RSRC1: variants seen among roughly 807,000 people sequenced by gnomAD.
The protein encoded by RSRC1 is arginine and serine rich coiled-coil 1.
In RSRC1, 39 loss-of-function variants were observed where a neutral mutation model predicts 49.1. The observed-to-expected ratio is 0.79, with a 90% CI of 0.61 to 1.04. RSRC1 has a LOEUF of 1.04. RSRC1 is among the 50% of genes least tolerant of loss of function. RSRC1 has a pLI of 0.00. For missense variants in RSRC1, 388 were observed against 402.4 expected (o/e 0.96, Z 0.31); for synonymous variants, 143 against 130.8 (o/e 1.09, Z -0.63).
At chr3:158,154,152 C>T (rs1717711240) in intron 3 of RSRC1, among the ~76,000 whole-genome samples, 1 of 149,668 alleles carries the variant, frequency 6.7e-6, no homozygotes, top group Admixed American at 6.7e-5. Context: ...TACTCTATAC[C>T]ATAGTCTGTT....
chr3:158,157,991 A>T (rs764860218), intron 3 of RSRC1, among the ~76,000 whole-genome samples: 15 of 152,022 alleles, frequency 9.9e-5, no homozygotes, highest in Non-Finnish European at 1.9e-4. Context: ...AACTGTTACT[A>T]TTTACACAAA....
chr3:158,151,075 C>A (rs1398160593), intron 3 of RSRC1, among the ~76,000 whole-genome samples: 1 of 152,090 alleles, frequency 6.6e-6, no homozygotes, highest in East Asian at 1.9e-4. Flanking sequence ...GAAAAAATAT[C>A]TTTTTCTCAC....
At chr3:158,503,445 A>T (rs1211024306) in intron 7 of RSRC1, among the ~76,000 whole-genome samples, 1 of 151,758 alleles carries the variant, frequency 6.6e-6, no homozygotes, top group Non-Finnish European at 1.5e-5. Flanking sequence ...GGGCCCTAGA[A>T]CTCCCAAGAT....
chr3:158,168,845 C>T (rs1718690553), intron 3 of RSRC1, among the ~76,000 whole-genome samples: 2 of 152,028 alleles, frequency 1.3e-5, no homozygotes, highest in South Asian at 4.1e-4. Flanking sequence ...TCTTGTATAG[C>T]TAAGGTTGCT....
At chr3:158,144,955 A>G (rs1164649314) in intron 3 of RSRC1, among the ~76,000 whole-genome samples, 1 of 152,106 alleles carries the variant, frequency 6.6e-6, no homozygotes, top group African/African-American at 2.4e-5. Flanking sequence ...GTCTGTTCAT[A>G]TCCTTTGCCC....
intron 3 of RSRC1, among the ~76,000 whole-genome samples, chr3:158,190,462 A>G (rs1427284857): frequency 1.3e-5 from 2 of 151,546 alleles, no homozygotes; most frequent in East Asian, 1.9e-4. Context: ...TATGTCTCTT[A>G]TTATATGAGC....
At chr3:158,461,927 A>G (rs898227822) in intron 7 of RSRC1, among the ~76,000 whole-genome samples, 8 of 150,844 alleles carry the variant, frequency 5.3e-5, no homozygotes, top group Admixed American at 2.0e-4. Context: ...GGAAGCTGAG[A>G]TTCAGTAAAA....
intron 6 of RSRC1, among the ~76,000 whole-genome samples, chr3:158,391,514 T>C (rs78141349): frequency 0.05 from 7,621 of 152,264 alleles, 228 homozygotes; most frequent in East Asian, 0.1. Context: ...TGTAAAAACA[T>C]TAAAAGGTAG....
chr3:158,337,832 C>T (rs1730005568), intron 5 of RSRC1, among the ~76,000 whole-genome samples: 1 of 152,190 alleles, frequency 6.6e-6, no homozygotes, highest in South Asian at 2.1e-4. Flanking sequence ...AACCACTTCT[C>T]TCCAAAAATC....
chr3:158,322,766 C>T (rs1378587130), intron 5 of RSRC1, among the ~76,000 whole-genome samples: 1 of 152,182 alleles, frequency 6.6e-6, no homozygotes, highest in African/African-American at 2.4e-5. Context: ...TGTTGTCCCA[C>T]AGATAGCTAA....
intron 5 of RSRC1, among the ~76,000 whole-genome samples, chr3:158,326,766 C>T (rs1729179764): frequency 6.6e-6 from 1 of 152,186 alleles, no homozygotes; most frequent in Non-Finnish European, 1.5e-5. Context: ...GGAGGATTCC[C>T]TCTTTTTCTA....
intron 3 of RSRC1, among the ~76,000 whole-genome samples, chr3:158,141,035 G>A (rs1716717769): frequency 6.6e-6 from 1 of 152,112 alleles, no homozygotes; most frequent in Non-Finnish European, 1.5e-5. Flanking sequence ...TGCCTCAAAT[G>A]CTTTTTAAAA....
At chr3:158,484,204 T>A (rs1397433114) in intron 7 of RSRC1, among the ~76,000 whole-genome samples, 1 of 152,074 alleles carries the variant, frequency 6.6e-6, no homozygotes, top group Non-Finnish European at 1.5e-5. Context: ...TAATACGGTG[T>A]CTTGGCCACG....
At chr3:158,198,253 C>T (rs1234989357) in intron 3 of RSRC1, among the ~76,000 whole-genome samples, 1 of 152,144 alleles carries the variant, frequency 6.6e-6, no homozygotes. Flanking sequence ...TAATGGCCTT[C>T]TTGGTCTCTT....
chr3:158,269,752 C>T (rs1725400117), intron 4 of RSRC1, among the ~76,000 whole-genome samples: 1 of 152,160 alleles, frequency 6.6e-6, no homozygotes. Context: ...ACCTCGTGAT[C>T]TGCCTGCCTT....
intron 7 of RSRC1, among the ~76,000 whole-genome samples, chr3:158,519,431 C>G (rs1024810334): frequency 2.6e-5 from 4 of 151,716 alleles, no homozygotes; most frequent in Non-Finnish European, 4.4e-5. Context: ...CTGGGAAGGT[C>G]TCCCTAAGGA....
At chr3:158,367,717 G>A (rs1731850831) in intron 6 of RSRC1, among the ~76,000 whole-genome samples, 1 of 152,064 alleles carries the variant, frequency 6.6e-6, no homozygotes, top group Non-Finnish European at 1.5e-5. Context: ...CAAAACAAAT[G>A]AATAAAGCCT....
intron 5 of RSRC1, among the ~76,000 whole-genome samples, chr3:158,337,034 C>A (rs916090536): frequency 6.6e-5 from 10 of 152,146 alleles, no homozygotes; most frequent in African/African-American, 2.4e-4. Flanking sequence ...ATGGATAGGA[C>A]CCAAGACAAA....
chr3:158,170,978 C>CT (rs2108237757), intron 3 of RSRC1, among the ~76,000 whole-genome samples: 1 of 152,176 alleles, frequency 6.6e-6, no homozygotes, highest in Admixed American at 6.5e-5. Flanking sequence ...AAAAACCATC[C>CT]TTTTTTGCCA....
Sources: gnomAD v4.1 joint callset for allele counts (sites outside exome capture counted in the v4.1 genomes callset) on GRCh38, gnomAD v4.1.1 for gene constraint, MANE v1.5 for transcripts, NCBI Gene and HGNC (gene_info 2026-07-23, HGNC 2026-07-21) for gene names.